NRXN3: variants seen among roughly 807,000 people sequenced by gnomAD.
NRXN3 encodes the protein neurexin III.
A neutral mutation model predicts 137.6 loss-of-function variants in NRXN3; 32 were observed. The observed-to-expected ratio is 0.23, with a 90% CI of 0.18 to 0.31. The LOEUF is 0.31. NRXN3 is among the 10% of genes least tolerant of loss of function. The pLI is 1.00. For missense variants in NRXN3, 1,574 were observed against 2,062.5 expected (o/e 0.76, Z 4.59); for synonymous variants, 798 against 784.5 (o/e 1.02, Z -0.29).
At chr14:79,810,242 A>G (rs1022566261) in intron 20 of NRXN3, among the ~76,000 whole-genome samples, 14 of 152,150 alleles carry the variant, frequency 9.2e-5, no homozygotes, top group African/African-American at 3.1e-4. Flanking sequence ...TGGGCATGGC[A>G]ATACTTAACC....
At chr14:79,156,171 A>G (rs1168345566) in intron 15 of NRXN3, among the ~76,000 whole-genome samples, 2 of 151,766 alleles carry the variant, frequency 1.3e-5, no homozygotes, top group African/African-American at 4.8e-5. Flanking sequence ...CTCTACTTCA[A>G]CCCTCACAAC....
At chr14:79,807,628 G>A (rs1253357804) in intron 20 of NRXN3, among the ~76,000 whole-genome samples, 1 of 152,200 alleles carries the variant, frequency 6.6e-6, no homozygotes, top group Non-Finnish European at 1.5e-5. Flanking sequence ...ATAACATGGG[G>A]TGGGTGGGGA....
At chr14:79,302,795 C>T (rs1018154535) in intron 15 of NRXN3, among the ~76,000 whole-genome samples, 1 of 151,946 alleles carries the variant, frequency 6.6e-6, no homozygotes, top group African/African-American at 2.4e-5. Flanking sequence ...TTGTAAGTTT[C>T]CTGAGGCTTC....
chr14:79,858,815 C>G (rs1678084521), intron 20 of NRXN3, among the ~76,000 whole-genome samples: 1 of 151,996 alleles, frequency 6.6e-6, no homozygotes, highest in African/African-American at 2.4e-5. Context: ...ACTTGGGACC[C>G]CCTAGCAGAA....
At chr14:78,942,548 C>T (rs917815162) in intron 10 of NRXN3, among the ~76,000 whole-genome samples, 4 of 151,646 alleles carry the variant, frequency 2.6e-5, no homozygotes, top group African/African-American at 4.9e-5. Flanking sequence ...GTACCAGGAA[C>T]GTAGAGAAAG....
At chr14:79,268,187 T>G (rs1393465953) in intron 15 of NRXN3, among the ~76,000 whole-genome samples, 1 of 152,218 alleles carries the variant, frequency 6.6e-6, no homozygotes, top group Non-Finnish European at 1.5e-5. Context: ...ATCACAGATT[T>G]GTCATTTTTT....
At chr14:78,740,222 T>C (rs1318796959) in intron 8 of NRXN3, among the ~76,000 whole-genome samples, 1 of 152,186 alleles carries the variant, frequency 6.6e-6, no homozygotes, top group Non-Finnish European at 1.5e-5. Flanking sequence ...TTAGAAACCA[T>C]TTGGTTTTGT....
chr14:78,913,652 G>T (rs576708262), intron 10 of NRXN3, among the ~76,000 whole-genome samples: 1 of 151,996 alleles, frequency 6.6e-6, no homozygotes, highest in South Asian at 2.1e-4. Context: ...GTTCATATTC[G>T]TTGGCATGGG....
chr14:78,639,248 C>T (rs1282765817), intron 4 of NRXN3, among the ~76,000 whole-genome samples: 3 of 152,198 alleles, frequency 2.0e-5, no homozygotes, highest in Non-Finnish European at 4.4e-5. Context: ...TGCATGAATA[C>T]AGACTAAAGT....
intron 4 of NRXN3, among the ~76,000 whole-genome samples, chr14:78,617,130 A>T (rs1034257150): frequency 7.9e-5 from 12 of 152,030 alleles, no homozygotes; most frequent in African/African-American, 2.4e-4. Context: ...ATGTATATAT[A>T]TTTTTTTTCC....
intron 3 of NRXN3, among the ~76,000 whole-genome samples, chr14:78,285,551 TCTC>T (rs2075058824): frequency 6.6e-6 from 1 of 152,008 alleles, no homozygotes; most frequent in South Asian, 2.1e-4. Flanking sequence ...CCAGGAGACA[TCTC>T]CTAGGGAGTT....
chr14:79,593,108 A>ATCTTAGCCCCTTT (rs907434572), intron 16 of NRXN3, among the ~76,000 whole-genome samples: 3 of 152,126 alleles, frequency 2.0e-5, no homozygotes, highest in African/African-American at 4.8e-5. Context: ...GATAGTTCAT[A>ATCTTAGCCCCTTT]TCTTAGCCCC....
chr14:79,791,980 G>A lies in NRXN3; in HGVS notation c.4015-13132G>A, dbSNP rs192593824. ...ACTTTAAAGGCAAGGACCAAGCTCC[G>A]TCAGGCCATACTTATGTCCGTGCTA... On this transcript the variant is annotated intron_variant, in intron 19 of 20. Transcript: ENST00000335750. Among the ~76,000 whole-genome samples the A allele has an allele frequency of 4.6e-5, 7 of 152,252 alleles. No individual in the cohort carries two copies. The East Asian group carries it at 5.8e-4, about 13-fold the overall frequency.
intron 17 of NRXN3, among the ~76,000 whole-genome samples, chr14:79,687,498 T>C (rs1316673367): frequency 1.3e-5 from 2 of 152,212 alleles, no homozygotes; most frequent in Non-Finnish European, 2.9e-5. Flanking sequence ...GCCTCTGACT[T>C]TAATACATAG....
At chr14:79,161,723 A>G (rs1425756162) in intron 15 of NRXN3, among the ~76,000 whole-genome samples, 1 of 151,952 alleles carries the variant, frequency 6.6e-6, no homozygotes, top group African/African-American at 2.4e-5. Context: ...TGTGACTAAA[A>G]TGGCAAAGTG....
intron 4 of NRXN3, among the ~76,000 whole-genome samples, chr14:78,307,532 G>A (rs2077494448): frequency 6.6e-6 from 1 of 152,064 alleles, no homozygotes. Context: ...GTCCTCTTGT[G>A]AGGTAGCTTT....
chr14:78,299,118 C>A (rs1054748782), intron 4 of NRXN3, among the ~76,000 whole-genome samples: 2 of 152,100 alleles, frequency 1.3e-5, no homozygotes, highest in African/African-American at 4.8e-5. Context: ...GTGTGGACTT[C>A]AGAAATTTCA....
intron 4 of NRXN3, among the ~76,000 whole-genome samples, chr14:78,497,619 CATCCATCT>C (rs1197992216): frequency 6.7e-6 from 1 of 149,710 alleles, no homozygotes; most frequent in Non-Finnish European, 1.5e-5. Context: ...TCCATCCATC[CATCCATCT>C]ATCCATCTGT....
At chr14:79,094,180 A>G (rs1371580267) in intron 15 of NRXN3, among the ~76,000 whole-genome samples, 1 of 152,160 alleles carries the variant, frequency 6.6e-6, no homozygotes, top group African/African-American at 2.4e-5. Flanking sequence ...AGAAGGGGAC[A>G]TGGCAGAGTT....
Sources: gnomAD v4.1 joint callset for allele counts (sites outside exome capture counted in the v4.1 genomes callset) on GRCh38, gnomAD v4.1.1 for gene constraint, MANE v1.5 for transcripts, NCBI Gene and HGNC (gene_info 2026-07-23, HGNC 2026-07-21) for gene names.